The following PPP1R9A variants were observed in gnomAD, a reference collection of about 807,000 sequenced individuals.
PPP1R9A encodes protein phosphatase 1 regulatory subunit 9A.
PPP1R9A carries 59 observed loss-of-function variants against 141.9 expected under a neutral mutation model. The observed-to-expected ratio is 0.42, with a 90% CI of 0.34 to 0.52. The LOEUF (loss-of-function observed/expected upper bound fraction) is 0.52. Among genes scored for constraint, PPP1R9A ranks in the 20% least tolerant of loss-of-function variants. The pLI is 0.10. For synonymous variants in PPP1R9A, 500 were observed against 569.7 expected (o/e 0.88, Z 1.74); for missense variants, 1,444 against 1,611.9 (o/e 0.90, Z 1.78).
intron 2 of PPP1R9A, among the ~76,000 whole-genome samples, chr7:94,914,313 A>G (rs761716190): frequency 1.3e-5 from 2 of 152,126 alleles, no homozygotes; most frequent in African/African-American, 2.4e-5. Context: ...TGACTACTTC[A>G]GTTCTTTTTA....
intron 2 of PPP1R9A, among the ~76,000 whole-genome samples, chr7:94,980,717 C>T (rs1800006721): frequency 6.6e-6 from 1 of 151,782 alleles, no homozygotes; most frequent in South Asian, 2.1e-4. Context: ...TCTGAGGTGC[C>T]GCACAACTAT....
At chr7:95,039,734 G>GAA (rs71528101) in intron 2 of PPP1R9A, among the ~76,000 whole-genome samples, 193 of 150,006 alleles carry the variant, frequency 1.3e-3, no homozygotes, top group African/African-American at 4.3e-3. Context: ...AGGAATGAAG[G>GAA]AAAAAAAAAT....
intron 2 of PPP1R9A, among the ~76,000 whole-genome samples, chr7:95,074,782 A>T (rs545190182): frequency 2.0e-4 from 30 of 152,098 alleles, no homozygotes; most frequent in African/African-American, 7.0e-4. Flanking sequence ...CCCAAAGACT[A>T]CATATTTGAA....
At chr7:94,997,137 C>G (rs771929719) in intron 2 of PPP1R9A, among the ~76,000 whole-genome samples, 12 of 151,996 alleles carry the variant, frequency 7.9e-5, no homozygotes, top group Non-Finnish European at 1.3e-4. Context: ...TCTAAAAGTT[C>G]CATTTTCTTT....
At chr7:95,235,647 T>C (rs1184844751) in intron 8 of PPP1R9A, among the ~76,000 whole-genome samples, 2 of 152,172 alleles carry the variant, frequency 1.3e-5, no homozygotes. Context: ...GATCTATCAT[T>C]TGATCCAGTG....
chr7:94,910,224 C>T lies in PPP1R9A; in HGVS notation c.111C>T (p.Pro37=), dbSNP rs12536183. The change falls in exon 2 of 20, where the codon CCC becomes CCT. Residue 37 remains proline, a synonymous_variant. Transcript: ENST00000433360. This position sits in a 1 kb window ranked among gnomAD's most constrained non-coding sequence, Gnocchi z 4.5. ...FQALKSTFDK[P]KSDGEQKTKE... ...CACTGAAAAGTACCTTTGACAAACC[C>T]AAGTCAGATGGGGAACAAAAAACAA... is the stretch of plus-strand genomic sequence containing the variant. 150,913 of 1,613,752 alleles carry T rather than the reference C, an allele frequency of 0.094. 7,951 individuals are homozygous for T. Among genetic ancestry groups the T allele is most frequent in the Admixed American group, 0.2 (12,134 of 59,970 alleles).
intron 5 of PPP1R9A, among the ~76,000 whole-genome samples, chr7:95,197,752 G>A (rs981958069): frequency 1.2e-4 from 18 of 152,072 alleles, no homozygotes; most frequent in Non-Finnish European, 1.6e-4. Context: ...GGATTCAAAC[G>A]ATTCTCCTGC....
At chr7:95,072,929 ATATATATTATATATAT>A (rs1346687225) in intron 2 of PPP1R9A, among the ~76,000 whole-genome samples, 1 of 126,618 alleles carries the variant, frequency 7.9e-6, no homozygotes, top group Non-Finnish European at 1.6e-5. Flanking sequence ...TATATATTGC[ATATATATTATATATAT>A]TATATATTAT....
At chr7:95,098,066 C>G (rs1383352207) in intron 2 of PPP1R9A, among the ~76,000 whole-genome samples, 2 of 152,148 alleles carry the variant, frequency 1.3e-5, no homozygotes, top group Non-Finnish European at 2.9e-5. Flanking sequence ...TTCAGTGAGG[C>G]CCACCCAGAT....
In PPP1R9A at chr7:95,293,001, GT is replaced by G. The variant is rs1178344472; in HGVS notation, c.*2703del. ...TATTTCATCAACCTTAAAAACTGCA[GT>G]TTTTATTATCAGAAAATGAACAAAA... On this transcript the variant is annotated 3_prime_UTR_variant, in exon 20 of 20. Transcript: ENST00000433360. The G allele has an allele frequency of 6.6e-6, 1 of 152,142 alleles. No individual in the cohort carries two copies. Among genetic ancestry groups the G allele is most frequent in the African/African-American group, 2.4e-5 (1 of 41,430 alleles). 9.4% of individuals were successfully genotyped at this position (152,142 alleles called of 1,614,324 possible).
At position 95,293,303 on chromosome 7, in the gene PPP1R9A, C is replaced by G. The variant is rs1295427365; in HGVS notation, c.*3000C>G. On this transcript the variant is annotated 3_prime_UTR_variant, in exon 20 of 20. Transcript: ENST00000433360. ...AATACTAATCTCATTCTTTTTTTAC[C>G]TGAATCAGGAATTTTCTGCAGAATG... The G allele has an allele frequency of 2.6e-5, 4 of 152,004 alleles. No homozygotes were observed. The highest frequency in any genetic ancestry group is 1.3e-4 in the Admixed American group (2 of 15,262). The allele number at this position is 152,004 out of a possible 1,614,324, so 9.4% of individuals were successfully genotyped here.
At chr7:95,289,347 G>A (rs936080552) in intron 19 of PPP1R9A, among the ~76,000 whole-genome samples, 4 of 152,166 alleles carry the variant, frequency 2.6e-5, no homozygotes, top group Admixed American at 6.5e-5. Context: ...CTGGGCTGAC[G>A]GGCAGACGAG....
chr7:94,945,767 C>T (rs1221790010), intron 2 of PPP1R9A, among the ~76,000 whole-genome samples: 1 of 151,618 alleles, frequency 6.6e-6, no homozygotes, highest in Non-Finnish European at 1.5e-5. Context: ...TTTGACATGC[C>T]CAAAGCGGGA....
intron 4 of PPP1R9A, among the ~76,000 whole-genome samples, chr7:95,152,396 T>G (rs1828859535): frequency 6.6e-6 from 1 of 152,194 alleles, no homozygotes; most frequent in Non-Finnish European, 1.5e-5. Flanking sequence ...CCATGCATTC[T>G]TCTTTCTAAT....
Position 94,927,810 on chromosome 7 carries a change from T to C in PPP1R9A, c.1395+16302T>C, listed in dbSNP as rs1584251167. The stretch of plus-strand genomic sequence containing the variant: ...ATTTATTGTCCAAACTGTTGAGAAA[T>C]TCAGTGTTCTGATTATTATTACTGT... On this transcript the variant is annotated intron_variant, in intron 2 of 19. Transcript: ENST00000433360. Among the ~76,000 whole-genome samples, 14 of 152,178 alleles carry C rather than the reference T, an allele frequency of 9.2e-5. No homozygotes were observed. The South Asian group carries it at 2.9e-3, about 32-fold the overall frequency.
intron 2 of PPP1R9A, among the ~76,000 whole-genome samples, chr7:95,022,672 A>G (rs6969035): frequency 0.39 from 59,292 of 151,918 alleles, 12,408 homozygotes; most frequent in Middle Eastern, 0.51. Context: ...TAGTTTATTG[A>G]GAGTTTTTAG....
intron 2 of PPP1R9A, among the ~76,000 whole-genome samples, chr7:95,084,824 T>C (rs1263599780): frequency 9.2e-5 from 14 of 152,068 alleles, no homozygotes; most frequent in Admixed American, 6.5e-5. Context: ...TTTCTTGTTA[T>C]GGACATTAAG....
intron 5 of PPP1R9A, among the ~76,000 whole-genome samples, chr7:95,189,476 G>A (rs1211943980): frequency 9.5e-5 from 12 of 125,900 alleles, no homozygotes; most frequent in Non-Finnish European, 1.6e-4. Flanking sequence ...TCGCTCTGTC[G>A]CCCAGGCTGG....
At chr7:94,935,365 T>C (rs192948546) in intron 2 of PPP1R9A, among the ~76,000 whole-genome samples, 1 of 152,296 alleles carries the variant, frequency 6.6e-6, no homozygotes, top group East Asian at 1.9e-4. Flanking sequence ...ATGCCAAAGA[T>C]AGGTTTTAGT....
Sources: allele counts gnomAD v4.1 joint callset (sites outside exome capture counted in the v4.1 genomes callset), GRCh38; gene constraint gnomAD v4.1.1; non-coding constraint Gnocchi (gnomAD v3.1); transcripts MANE v1.5; gene names NCBI Gene and HGNC (gene_info 2026-07-23, HGNC 2026-07-21).